Variants in RPTOR observed in about 807,000 individuals in gnomAD.
The protein encoded by RPTOR is regulatory-associated protein of mTOR.
In RPTOR, 21 loss-of-function variants were observed where a neutral mutation model predicts 169.9. The observed-to-expected ratio is 0.12, with a 90% CI of 0.09 to 0.18. RPTOR has a LOEUF of 0.18. RPTOR is among the 10% of genes least tolerant of loss of function. The pLI, the probability that RPTOR is intolerant of heterozygous loss-of-function variation, is 1.00. For synonymous variants in RPTOR, 732 were observed against 753.2 expected (o/e 0.97, Z 0.46); for missense variants, 1,133 against 1,855.9 (o/e 0.61, Z 7.16).
chr17:80,596,677 T>G (rs1053705388), intron 1 of RPTOR, among the ~76,000 whole-genome samples: 4 of 152,210 alleles, frequency 2.6e-5, no homozygotes, highest in Admixed American at 2.6e-4. Context: ...GGAGAAAACC[T>G]GATGCAATTT....
intron 11 of RPTOR, among the ~76,000 whole-genome samples, chr17:80,852,115 G>A (rs569115045): frequency 1.3e-5 from 2 of 152,132 alleles, no homozygotes; most frequent in South Asian, 2.1e-4. Flanking sequence ...TCTGGTAGCC[G>A]AACACTATGA....
At position 80,846,682 on chromosome 17, in the gene RPTOR, T is replaced by C. The variant is rs1017063442; in HGVS notation, c.1314+108T>C. ...TCTCTCCCTGAGCCCTGTGGGTCTG[T>C]GACATCCCAGCCCCTCTGCCCCGAA... is the stretch of plus-strand genomic sequence containing the variant. On this transcript the variant is annotated intron_variant, in intron 11 of 33. Coordinates refer to ENST00000306801, the MANE Select transcript of RPTOR (RefSeq NM_020761.3). The C allele has an allele frequency of 3.4e-6, 3 of 878,456 alleles. No homozygotes were observed. In the African/African-American group the frequency reaches 4.9e-5, roughly 14 times the overall value. The allele number at this position is 878,456 out of a possible 1,614,324, so 54.4% of individuals were successfully genotyped here. A position where few individuals can be genotyped will look rare whatever the true frequency, so the allele number is the denominator to read the frequency against.
chr17:80,549,785 T>A (rs1024418169), intron 1 of RPTOR, among the ~76,000 whole-genome samples: 1 of 152,220 alleles, frequency 6.6e-6, no homozygotes, highest in African/African-American at 2.4e-5. Flanking sequence ...TACACACATG[T>A]AGACTGACAG....
In RPTOR at chr17:80,878,185, C is replaced by T. The variant is rs968257458; in HGVS notation, c.1510-2230C>T. On this transcript the variant is annotated intron_variant, in intron 13 of 33. Coordinates refer to ENST00000306801, the MANE Select transcript of RPTOR (RefSeq NM_020761.3). The surrounding 1 kb of genome is among the most constrained non-coding windows in gnomAD (Gnocchi z 4.1). ...TGGCAGAACGCACGCCTCACTCTGT[C>T]GATGCAGTGTCTGTCACTGCTCAGT... 2.6e-5 allele frequency among the ~76,000 whole-genome samples: 4 copies of T among 152,192 alleles called. No individual in the cohort carries two copies. The highest frequency in any genetic ancestry group is 4.8e-5 in the African/African-American group (2 of 41,440).
chr17:80,954,947 C>T (rs190796180), intron 28 of RPTOR, among the ~76,000 whole-genome samples: 1 of 152,134 alleles, frequency 6.6e-6, no homozygotes, highest in African/African-American at 2.4e-5. Context: ...AGAAAGAAAT[C>T]ATAGACAACG....
Position 80,957,665 on chromosome 17 carries a change from C to T in RPTOR, c.3412C>T (p.Leu1138Phe). ...GGACTGGGAGCAGGAGACCGGCCTC[C>T]TCATGAGCTCAGGAGACGTGCGGAT... ...VVDWEQETGL[L>F]MSSGDVRIVR... The change falls in exon 29 of 34, where the codon CTC becomes TTC. Residue 1138 changes from leucine to phenylalanine, a missense_variant. Leu to Phe is a conservative substitution (Grantham distance 22). Transcript: ENST00000306801. The surrounding 1 kb of genome is among the most constrained non-coding windows in gnomAD (Gnocchi z 4.6). 1 of 1,614,176 alleles carries T rather than the reference C, an allele frequency of 6.2e-7. No homozygotes were observed. Among genetic ancestry groups the T allele is most frequent in the Non-Finnish European group, 8.5e-7 (1 of 1,180,038 alleles).
At chr17:80,906,127 C>T (rs572948491) in intron 20 of RPTOR, among the ~76,000 whole-genome samples, 2 of 152,114 alleles carry the variant, frequency 1.3e-5, no homozygotes, top group East Asian at 1.9e-4. Context: ...TAGCGAACTT[C>T]GCCAGTGAGG....
chr17:80,783,898 G>A (rs946741000), intron 6 of RPTOR, among the ~76,000 whole-genome samples: 4 of 152,216 alleles, frequency 2.6e-5, no homozygotes, highest in Admixed American at 2.0e-4. Flanking sequence ...AAACTTTTCT[G>A]TACATTACAA....
At chr17:80,951,491 G>T (rs892217896) in intron 28 of RPTOR, among the ~76,000 whole-genome samples, 1 of 152,252 alleles carries the variant, frequency 6.6e-6, no homozygotes, top group African/African-American at 2.4e-5. Flanking sequence ...CTCGCCAGAC[G>T]TAAGAGCTCC....
rs375231745 is a variant in RPTOR at position 80,779,539 on chromosome 17, G to A, written c.831-11911G>A. 1.4e-4 allele frequency among the ~76,000 whole-genome samples: 21 copies of A among 152,176 alleles called. 1 individual carries two copies. The highest frequency in any genetic ancestry group is 1.2e-3 in the East Asian group (6 of 5,178). ...ATTCCGTCGCGGTCGGAGTTTTCCT[G>A]TGTGAACATTGAGATGTGCAATTCC... On this transcript the variant is annotated intron_variant, in intron 6 of 33. Coordinates refer to ENST00000306801, the MANE Select transcript of RPTOR (RefSeq NM_020761.3).
intron 3 of RPTOR, among the ~76,000 whole-genome samples, chr17:80,700,781 ATGATGGTGGTGGTGGTGATGATGATGG>A (rs2066092499): frequency 3.3e-4 from 1 of 3,024 alleles, no homozygotes; most frequent in African/African-American, 1.8e-3. Context: ...GGTAGAGATG[ATGATGGTGGTGGTGGTGATGATGATGG>A]TGGTGATGGT....
At position 80,730,688 on chromosome 17, in the gene RPTOR, G is replaced by A. The variant is rs772657109; in HGVS notation, c.636G>A (p.Gln212=). Residue 212 remains glutamine, a synonymous_variant, in exon 5 of 34, where the codon CAG becomes CAA. Coordinates refer to ENST00000306801, the MANE Select transcript of RPTOR (RefSeq NM_020761.3). The surrounding 1 kb of genome is among the most constrained non-coding windows in gnomAD (Gnocchi z 4.2). ...AGTCCTTCAAGCAGTTCGCACTACA[G>A]CGGGAGCAGGAGCTGGAGGTGAGCG... ...IVKSFKQFAL[Q]REQELEVAAI... is the part of the protein sequence containing the mutation. The A allele has an allele frequency of 1.9e-6, 3 of 1,612,540 alleles. No homozygotes were observed. The African/African-American group carries it at 4.0e-5, about 22-fold the overall frequency.
chr17:80,963,310 C>T (rs968015590), intron 33 of RPTOR, among the ~76,000 whole-genome samples: 6 of 152,082 alleles, frequency 3.9e-5, no homozygotes, highest in African/African-American at 1.5e-4. Flanking sequence ...GGCAAAGCTC[C>T]TGCCCTCAGA....
chr17:80,940,721 C>T (rs1214183737), intron 25 of RPTOR, 120 bp downstream of exon 25: 15 of 739,874 alleles, frequency 2.0e-5, no homozygotes, highest in African/African-American at 8.8e-5. Context: ...TCCACTGTCC[C>T]ACGACAGACC....
chr17:80,577,521 CCCCTGCCTCGGCCT>C (rs2064974944), intron 1 of RPTOR, among the ~76,000 whole-genome samples: 1 of 152,154 alleles, frequency 6.6e-6, no homozygotes, highest in South Asian at 2.1e-4. Context: ...TCAAGCAGTC[CCCCTGCCTCGGCCT>C]CCCAAAATGC....
intron 20 of RPTOR, among the ~76,000 whole-genome samples, chr17:80,900,303 C>A (rs1339681774): frequency 6.6e-6 from 1 of 152,020 alleles, no homozygotes; most frequent in African/African-American, 2.4e-5. Context: ...CTGTGGCCCT[C>A]CTGGGGCCGT....
intron 9 of RPTOR, among the ~76,000 whole-genome samples, chr17:80,830,308 A>G (rs970996777): frequency 3.3e-5 from 5 of 151,992 alleles, no homozygotes; most frequent in Non-Finnish European, 7.4e-5. Context: ...CCCCGCCCCA[A>G]CTCCAGCTCC....
chr17:80,731,198 T>C (rs374650756), intron 5 of RPTOR, among the ~76,000 whole-genome samples: 278 of 152,302 alleles, frequency 1.8e-3, no homozygotes, highest in African/African-American at 6.2e-3. Context: ...TACAGACTTA[T>C]TTTTACATCT....
chr17:80,550,340 C>T (rs1171137253), intron 1 of RPTOR, among the ~76,000 whole-genome samples: 3 of 152,192 alleles, frequency 2.0e-5, no homozygotes, highest in East Asian at 1.9e-4. Context: ...CCACGAAACT[C>T]GGATTTTCCT....
Sources: allele counts gnomAD v4.1 joint callset (sites outside exome capture counted in the v4.1 genomes callset), GRCh38; gene constraint gnomAD v4.1.1; non-coding constraint Gnocchi (gnomAD v3.1); transcripts MANE v1.5; gene names NCBI Gene and HGNC (gene_info 2026-07-23, HGNC 2026-07-21).